The following PHRF1 variants were observed in gnomAD, a reference collection of about 807,000 sequenced individuals.
The protein encoded by PHRF1 is PHD and ring finger domains 1.
A neutral mutation model predicts 128.9 loss-of-function variants in PHRF1; 53 were observed. The observed-to-expected ratio is 0.41, with a 90% confidence interval of 0.33 to 0.52. The LOEUF (loss-of-function observed/expected upper bound fraction) is 0.52, where lower values mean the gene tolerates loss of function less well. Among genes scored for constraint, PHRF1 ranks in the 20% least tolerant of loss-of-function variants. PHRF1 has a pLI of 0.21. For synonymous variants in PHRF1, 1,178 were observed against 980.6 expected (o/e 1.20, Z -3.76); for missense variants, 2,503 against 2,284.5 (o/e 1.10, Z -1.95).
chr11:601,840 T>C, intron 10 of PHRF1, 139 bp downstream of exon 10: 2 of 1,144,030 alleles, frequency 1.7e-6, no homozygotes, highest in Non-Finnish European at 1.2e-6. Context: ...TCTTTGCTTT[T>C]CTGTATTTAC....
intron 6 of PHRF1, among the ~76,000 whole-genome samples, chr11:594,505 T>A (rs908001489): frequency 1.3e-5 from 2 of 151,438 alleles, no homozygotes; most frequent in Non-Finnish European, 3.0e-5. Context: ...CTGCAACCTC[T>A]GCAGCGAGTC....
chr11:603,010 C>T (rs1463904461), intron 10 of PHRF1, among the ~76,000 whole-genome samples: 1 of 151,918 alleles, frequency 6.6e-6, no homozygotes, highest in Non-Finnish European at 1.5e-5. Flanking sequence ...ATCTGCCCAC[C>T]TCGGCCCCCA....
chr11:601,346 G>A (rs1202482113), intron 9 of PHRF1, among the ~76,000 whole-genome samples: 1 of 151,680 alleles, frequency 6.6e-6, no homozygotes, highest in African/African-American at 2.4e-5. Context: ...GGAGAATCAC[G>A]TGAGCCCAGG....
chr11:596,925 A>G lies in PHRF1; in HGVS notation c.623A>G (p.Tyr208Cys). Residue 208 changes from tyrosine to cysteine, a missense_variant and splice_region_variant, in exon 7 of 18, where the codon TAC becomes TGC. Physicochemically the swap from Tyr to Cys is radical, Grantham distance 194 (BLOSUM62 -2). Transcript: ENST00000264555. Reference protein sequence around the residue: ...LLLCDGCDAGYHMECLDPPLQ... With the variant: ...LLLCDGCDAGCHMECLDPPLQ... ...TTTGGCCCTGCTCTCTCCTGTAGGT[A>G]CCACATGGAATGCTTGGACCCCCCT... 3 of 1,613,634 alleles carry G rather than the reference A, an allele frequency of 1.9e-6. No homozygotes were observed. In the South Asian group the frequency reaches 3.3e-5, roughly 18 times the overall value.
chr11:607,595 A>G lies in PHRF1; in HGVS notation c.2139A>G (p.Arg713=). 1 of 1,612,206 alleles carries G rather than the reference A, an allele frequency of 6.2e-7. No individual in the cohort carries two copies. The highest frequency in any genetic ancestry group is 8.5e-7 in the Non-Finnish European group (1 of 1,179,782). The change falls in exon 14 of 18, where the codon CGA becomes CGG. Residue 713 remains arginine (R), a synonymous_variant. Coordinates refer to ENST00000264555, the MANE Select transcript of PHRF1 (RefSeq NM_001286581.2). ...SIEIPSACIS[R]LTGREGTGQP... ...AGATCCCCAGTGCCTGCATCAGCCG[A>G]CTGACTGGCAGGGAGGGCACCGGGC...
rs759174567 is a variant in PHRF1, at chr11:592,660, C to T, written c.606C>T (p.Asp202=). The T allele has an allele frequency of 1.4e-5, 23 of 1,614,030 alleles. No homozygotes were observed. Among genetic ancestry groups the T allele is most frequent in the East Asian group, 2.2e-5 (1 of 44,880 alleles). Residue 202 remains aspartate, a synonymous_variant, in exon 6 of 18, where the codon GAC becomes GAT. Transcript: ENST00000264555. ...SDREDRLLLC[D]GCDAGYHMEC... is the part of the protein sequence containing the mutation. ...GTGAGGACAGGCTTTTGCTCTGCGA[C>T]GGCTGCGATGCGGGGTAAGGGACGG...
Position 601,460 on chromosome 11 carries a change from C to T in PHRF1, c.1025-114C>T, listed in dbSNP as rs903583278. The T allele has an allele frequency of 2.4e-5, 34 of 1,407,856 alleles. No homozygotes were observed. The Admixed American group carries it at 2.5e-4, about 10-fold the overall frequency. 87.2% of individuals were successfully genotyped at this position (1,407,856 alleles called of 1,614,324 possible). ...AAAAAAAAAAAATTGCAAGCCGGTG[C>T]GTGTGGTCCCGCTGTACCGGCTCCT... On this transcript the variant is annotated intron_variant, in intron 9 of 17. Coordinates refer to ENST00000264555, the MANE Select transcript of PHRF1 (RefSeq NM_001286581.2).
rs777759908 is a variant in PHRF1 at position 607,163 on chromosome 11, G to C, written c.1707G>C (p.Pro569=). Reference sequence around the variant, plus strand: ...CCCGAGCACTGCCCTCCGGGAGCCCGGCCCAAGGCCCGTCAGGAAACAGGC... The same window carrying C: ...CCCGAGCACTGCCCTCCGGGAGCCCCGCCCAAGGCCCGTCAGGAAACAGGC... ...LQPRALPSGS[P]AQGPSGNRPQ... is the part of the protein sequence containing the mutation. Residue 569 remains proline (P), a synonymous_variant, in exon 14 of 18, where the codon CCG becomes CCC. Coordinates refer to ENST00000264555, the MANE Select transcript of PHRF1 (RefSeq NM_001286581.2). The C allele has an allele frequency of 1.1e-5, 17 of 1,612,712 alleles. No individual in the cohort carries two copies. Among genetic ancestry groups the C allele is most frequent in the East Asian group, 2.2e-5 (1 of 44,888 alleles).
chr11:594,849 A>G (rs369236190), intron 6 of PHRF1, among the ~76,000 whole-genome samples: 1 of 151,982 alleles, frequency 6.6e-6, no homozygotes, highest in African/African-American at 2.4e-5. Context: ...CAAACTTGAT[A>G]TATTGATTTT....
At position 608,512 on chromosome 11, in the gene PHRF1, C is replaced by A. The variant is rs1337364876; in HGVS notation, c.3056C>A (p.Ser1019Tyr). ...TCCAGGGAGCACGGACGGACGCGCT[C>A]TGGGACGCGCTCTGAATCCAGGGAC... ...RVSREHGRTR[S>Y]GTRSESRDRS... Residue 1019 changes from serine to tyrosine, a missense_variant, in exon 14 of 18, where the codon TCT becomes TAT. Physicochemically the swap from Ser to Tyr is moderately radical, Grantham distance 144. Coordinates refer to ENST00000264555, the MANE Select transcript of PHRF1 (RefSeq NM_001286581.2). 2.1e-6 allele frequency: 3 copies of A among 1,447,988 alleles called. No individual in the cohort carries two copies. The Admixed American group carries it at 5.5e-5, about 26-fold the overall frequency. The allele number at this position is 1,447,988 out of a possible 1,614,324, so 89.7% of individuals were successfully genotyped here. A position where few individuals can be genotyped will look rare whatever the true frequency, so the allele number is the denominator to read the frequency against.
Position 609,689 on chromosome 11 carries a change from G to C in PHRF1, c.4233G>C (p.Glu1411Asp). 6.6e-7 allele frequency: 1 copy of C among 1,521,478 alleles called. No individual in the cohort carries two copies. Among genetic ancestry groups the C allele is most frequent in the African/African-American group, 1.4e-5 (1 of 72,854 alleles). The allele number at this position is 1,521,478 out of a possible 1,614,324, so 94.2% of individuals were successfully genotyped here. A position where few individuals can be genotyped will look rare whatever the true frequency, so the allele number is the denominator to read the frequency against. Residue 1411 changes from glutamate to aspartate, a missense_variant, in exon 14 of 18, where the codon GAG (glutamate) becomes GAC (aspartate). Glu to Asp is a conservative substitution (Grantham distance 45). Coordinates refer to ENST00000264555, the MANE Select transcript of PHRF1 (RefSeq NM_001286581.2). ...TCACCTGGAACCTGCAGGAGTCGGA[G>C]AGCAGCGCCCCCGCCGAGGACAGAG... ...KRVTWNLQES[E>D]SSAPAEDRAP... is the part of the protein sequence containing the mutation.
At chr11:598,526 C>T (rs755106559) in intron 9 of PHRF1, 24 bp downstream of exon 9, 7 of 1,598,774 alleles carry the variant, frequency 4.4e-6, no homozygotes, top group South Asian at 3.3e-5. Context: ...GATGGACTCT[C>T]CCGCCAGCCA....
Position 592,682 on chromosome 11 carries a change from A to G in PHRF1, c.620+8A>G, listed in dbSNP as rs761628570. 8.7e-6 allele frequency: 14 copies of G among 1,613,692 alleles called. No individual in the cohort carries two copies. In the African/African-American group the frequency reaches 1.7e-4, roughly 20 times the overall value. On this transcript the variant is annotated splice_region_variant and intron_variant, in intron 6 of 17. Coordinates refer to ENST00000264555, the MANE Select transcript of PHRF1 (RefSeq NM_001286581.2). The stretch of plus-strand genomic sequence containing the variant: ...CGACGGCTGCGATGCGGGGTAAGGG[A>G]CGGTTGGGACTGGCACACGTGCCCT...
In PHRF1 at chr11:598,362, T is replaced by G. The variant is rs745920450; in HGVS notation, c.895-11T>G. The G allele has an allele frequency of 1.9e-6, 3 of 1,605,876 alleles. No individual in the cohort carries two copies. In the Admixed American group the frequency reaches 5.0e-5, roughly 27 times the overall value. On this transcript the variant is annotated splice_polypyrimidine_tract_variant and intron_variant, in intron 8 of 17. Transcript: ENST00000264555. ...CAAGGGCATCTGACGGCACCACCCCTTTGCCTGTAGCACACACCAGGGCGC... is the reference window on the plus strand; with the variant it reads ...CAAGGGCATCTGACGGCACCACCCCGTTGCCTGTAGCACACACCAGGGCGC...
Position 585,674 on chromosome 11 carries a change from TCAACTC to T in PHRF1, c.215-1584_215-1579del, listed in dbSNP as rs1161384697. On this transcript the variant is annotated intron_variant, in intron 3 of 17. Transcript: ENST00000264555. ...CTTTCCAGCTTGAGGTAGTAGCTCT[TCAACTC>T]TTTTTTTTTTTTTTTTTTGAGGTCG... Among the ~76,000 whole-genome samples, 74 of 145,060 alleles carry T rather than the reference TCAACTC, an allele frequency of 5.1e-4. 21 individuals are homozygous for T. The highest frequency in any genetic ancestry group is 7.7e-4 in the Admixed American group (11 of 14,258).
At chr11:595,673 G>A (rs1294845201) in intron 6 of PHRF1, among the ~76,000 whole-genome samples, 2 of 152,324 alleles carry the variant, frequency 1.3e-5, no homozygotes, top group Middle Eastern at 3.4e-3. Flanking sequence ...GTGGATGGGC[G>A]CCTGCCAGGC....
rs758686517 is a variant in PHRF1, at chr11:597,555, G to T, written c.879G>T (p.Thr293=). The part of the protein sequence containing the change: ...RATVNRNRIS[T]ARRVQHTPGR... ...CCGTGAACCGGAACCGGATCTCCAC[G>T]GCCAGGAGGGTCCAGGTGGGTGGCC... The change falls in exon 8 of 18, where the codon ACG becomes ACT. Residue 293 remains threonine, a synonymous_variant. Coordinates refer to ENST00000264555, the MANE Select transcript of PHRF1 (RefSeq NM_001286581.2). The surrounding 1 kb of genome is among the most constrained non-coding windows in gnomAD (Gnocchi z 6.5). The T allele has an allele frequency of 6.2e-7, 1 of 1,611,358 alleles. No homozygotes were observed. The highest frequency in any genetic ancestry group is 1.3e-5 in the African/African-American group (1 of 74,880).
intron 10 of PHRF1, among the ~76,000 whole-genome samples, chr11:604,398 C>T (rs913596373): frequency 4.6e-5 from 7 of 152,248 alleles, no homozygotes; most frequent in African/African-American, 1.7e-4. Flanking sequence ...GCCCTGTCCG[C>T]TCTGCCTAGA....
intron 1 of PHRF1, among the ~76,000 whole-genome samples, chr11:580,056 C>G (rs577471163): frequency 6.6e-6 from 1 of 152,156 alleles, no homozygotes; most frequent in South Asian, 2.1e-4. Context: ...AGCTCTGGCC[C>G]CCTACTTCCT....
Sources: gnomAD v4.1 joint callset for allele counts (sites outside exome capture counted in the v4.1 genomes callset) on GRCh38, gnomAD v4.1.1 for gene constraint, Gnocchi (gnomAD v3.1) non-coding constraint, MANE v1.5 for transcripts, NCBI Gene and HGNC (gene_info 2026-07-23, HGNC 2026-07-21) for gene names.